The following SLX4IP variants were observed in gnomAD, a reference collection of about 807,000 sequenced individuals.
SLX4IP encodes the protein protein SLX4IP.
Under a neutral mutation model 32.9 loss-of-function variants are expected in SLX4IP, and 34 were observed. The observed-to-expected ratio is 1.03, with a 90% confidence interval of 0.79 to 1.38. The LOEUF (loss-of-function observed/expected upper bound fraction) is 1.38, where lower values mean the gene tolerates loss of function less well. Among genes scored for constraint, SLX4IP ranks in the 40% most tolerant of loss-of-function variants. The pLI is 0.00. For synonymous variants in SLX4IP, 172 were observed against 171.7 expected (o/e 1.00, Z -0.01); for missense variants, 444 against 479.0 (o/e 0.93, Z 0.68).
chr20:10,595,120 GGATCTTGCTGA>G (rs1315070854), intron 4 of SLX4IP, among the ~76,000 whole-genome samples: 1 of 151,924 alleles, frequency 6.6e-6, no homozygotes, highest in Non-Finnish European at 1.5e-5. Flanking sequence ...GGAGAAGATG[GGATCTTGCTGA>G]TACTAGATGA....
intron 1 of SLX4IP, among the ~76,000 whole-genome samples, chr20:10,452,767 C>T (rs2065253968): frequency 2.0e-5 from 3 of 151,166 alleles, no homozygotes; most frequent in South Asian, 4.2e-4. Flanking sequence ...AGGAGGATCG[C>T]TTCAGTCCAG....
chr20:10,461,186 C>T (rs1431244291), intron 2 of SLX4IP, among the ~76,000 whole-genome samples: 2 of 152,218 alleles, frequency 1.3e-5, no homozygotes, highest in Non-Finnish European at 2.9e-5. Flanking sequence ...GGGCTTCTTG[C>T]AAAACTCTGT....
chr20:10,626,702 A>G lies in SLX4IP; in HGVS notation c.*3323A>G, dbSNP rs2067177111. 6.6e-6 allele frequency: 1 copy of G among 152,212 alleles called. No homozygotes were observed. Among genetic ancestry groups the G allele is most frequent in the African/African-American group, 2.4e-5 (1 of 41,450 alleles). The allele number at this position is 152,212 out of a possible 1,614,324, so 9.4% of individuals were successfully genotyped here. On this transcript the variant is annotated 3_prime_UTR_variant, in exon 8 of 8. Transcript: ENST00000334534. ...ACTGGAGGTTAACTGTCGTCCAGAT[A>G]TGCATATGAATTGTGAAATGCAAAG...
chr20:10,523,403 A>G (rs1017942586), intron 2 of SLX4IP, among the ~76,000 whole-genome samples: 7 of 152,326 alleles, frequency 4.6e-5, no homozygotes, highest in Non-Finnish European at 1.0e-4. Flanking sequence ...AAATTGCCTA[A>G]ATTGTCTTCC....
chr20:10,527,442 A>G (rs2065949425), intron 2 of SLX4IP, among the ~76,000 whole-genome samples: 2 of 152,230 alleles, frequency 1.3e-5, no homozygotes, highest in African/African-American at 4.8e-5. Context: ...AAGTGGCTTT[A>G]TGATACAAAG....
intron 1 of SLX4IP, among the ~76,000 whole-genome samples, chr20:10,453,168 A>G (rs2065257027): frequency 6.6e-6 from 1 of 152,210 alleles, no homozygotes. Flanking sequence ...TGAACTGTGT[A>G]TTAAGCACTC....
chr20:10,481,621 T>G (rs982640069), intron 2 of SLX4IP, among the ~76,000 whole-genome samples: 1 of 152,236 alleles, frequency 6.6e-6, no homozygotes, highest in Non-Finnish European at 1.5e-5. Context: ...ATAGTAACGC[T>G]GACTTTGATT....
chr20:10,610,726 T>C (rs1202682273), intron 6 of SLX4IP, among the ~76,000 whole-genome samples: 1 of 152,258 alleles, frequency 6.6e-6, no homozygotes, highest in African/African-American at 2.4e-5. Context: ...GCGATGCCAC[T>C]TTTCATTTCA....
intron 6 of SLX4IP, among the ~76,000 whole-genome samples, chr20:10,620,549 G>A (rs2067096519): frequency 6.6e-6 from 1 of 152,044 alleles, no homozygotes; most frequent in Admixed American, 6.5e-5. Flanking sequence ...TCTTGGGTGT[G>A]ATAAAATATT....
intron 4 of SLX4IP, among the ~76,000 whole-genome samples, chr20:10,595,610 G>T (rs571280536): frequency 6.6e-6 from 1 of 152,290 alleles, no homozygotes; most frequent in African/African-American, 2.4e-5. Context: ...CTGTGAAGTT[G>T]ATTTCATTAA....
Position 10,613,638 on chromosome 20 carries a change from T to C in SLX4IP, c.406-7676T>C, listed in dbSNP as rs1361054692. 2.5e-6 allele frequency: 4 copies of C among 1,614,094 alleles called. No individual in the cohort carries two copies. The East Asian group carries it at 6.7e-5, about 27-fold the overall frequency. ...CATTTCTGCTTCTTTGGCCTCTTCCTGAGCCCTCCTTTTCTTTGCATTCAT... is the reference window on the plus strand; with the variant it reads ...CATTTCTGCTTCTTTGGCCTCTTCCCGAGCCCTCCTTTTCTTTGCATTCAT... On this transcript the variant is annotated intron_variant, in intron 6 of 7. Transcript: ENST00000334534.
At chr20:10,595,026 A>G (rs2066753329) in intron 4 of SLX4IP, among the ~76,000 whole-genome samples, 1 of 152,186 alleles carries the variant, frequency 6.6e-6, no homozygotes, top group Admixed American at 6.5e-5. Flanking sequence ...AAGGATAAGG[A>G]GAAGTGCAAC....
intron 2 of SLX4IP, among the ~76,000 whole-genome samples, chr20:10,521,402 A>G (rs1299558548): frequency 1.3e-5 from 2 of 151,902 alleles, no homozygotes; most frequent in African/African-American, 2.4e-5. Flanking sequence ...AGGAGCTCCC[A>G]TCACCTCTCT....
At chr20:10,461,791 T>C (rs900286075) in intron 2 of SLX4IP, among the ~76,000 whole-genome samples, 2 of 152,166 alleles carry the variant, frequency 1.3e-5, no homozygotes, top group African/African-American at 4.8e-5. Context: ...GCTTTTTTCC[T>C]CTCTGAAACA....
At chr20:10,466,124 T>A (rs540866738) in intron 2 of SLX4IP, among the ~76,000 whole-genome samples, 11 of 152,256 alleles carry the variant, frequency 7.2e-5, no homozygotes, top group African/African-American at 2.4e-4. Flanking sequence ...AAAAAAGAAA[T>A]CCAAATATCA....
Position 10,621,320 on chromosome 20 carries a change from A to G in SLX4IP, c.412A>G (p.Arg138Gly), listed in dbSNP as rs758159682. ...LASQNEDLTE[R>G]VLHGVSDYFA... ...TTGTTATCTTTTGGAGTAGACAGAA[A>G]GAGTTCTCCATGGAGTGTCTGATTA... The change falls in exon 7 of 8, where the codon AGA (arginine) becomes GGA (glycine). Residue 138 changes from arginine to glycine, a missense_variant. Physicochemically the swap from Arg to Gly is moderately radical, Grantham distance 125. Coordinates refer to ENST00000334534, the MANE Select transcript of SLX4IP (RefSeq NM_001009608.3). 3 of 1,614,110 alleles carry G rather than the reference A, an allele frequency of 1.9e-6. No homozygotes were observed. The South Asian group carries it at 3.3e-5, about 18-fold the overall frequency.
At chr20:10,619,161 G>A (rs968450504) in intron 6 of SLX4IP, among the ~76,000 whole-genome samples, 9 of 151,778 alleles carry the variant, frequency 5.9e-5, no homozygotes, top group Non-Finnish European at 1.2e-4. Flanking sequence ...ATTTGTAAGC[G>A]GGAGACCCCG....
At chr20:10,455,118 A>T (rs983513811) in intron 1 of SLX4IP, among the ~76,000 whole-genome samples, 7 of 152,130 alleles carry the variant, frequency 4.6e-5, no homozygotes, top group Non-Finnish European at 1.0e-4. Context: ...AGTTCTTTAT[A>T]TATTCTGGAC....
intron 6 of SLX4IP, among the ~76,000 whole-genome samples, chr20:10,607,624 C>T (rs2066919999): frequency 6.6e-6 from 1 of 152,144 alleles, no homozygotes; most frequent in Admixed American, 6.5e-5. Context: ...AAGTGGCCTA[C>T]GATGGGCTGT....
Sources: allele counts gnomAD v4.1 joint callset (sites outside exome capture counted in the v4.1 genomes callset), GRCh38; gene constraint gnomAD v4.1.1; transcripts MANE v1.5; gene names NCBI Gene and HGNC (gene_info 2026-07-23, HGNC 2026-07-21).